MYO1B: variants seen among roughly 807,000 people sequenced by gnomAD.
MYO1B encodes the protein myosin IB.
In MYO1B, 72 loss-of-function variants were observed where a neutral mutation model predicts 159.7. That is an observed-to-expected ratio of 0.45 (90% CI 0.37 to 0.55). The LOEUF is 0.55. Ranked by LOEUF, MYO1B falls within the 20% of genes least tolerant of loss-of-function variation. The pLI is 0.00. For missense variants in MYO1B, 1,062 were observed against 1,364.8 expected (o/e 0.78, Z 3.50); for synonymous variants, 468 against 473.8 (o/e 0.99, Z 0.16).
At chr2:191,246,036 G>A (rs1685768999) in intron 1 of MYO1B, 1 of 152,332 alleles carries the variant, frequency 6.6e-6, no homozygotes, top group African/African-American at 2.4e-5. Flanking sequence ...CTCCGGGCAG[G>A]AAAGCGGAGG....
intron 1 of MYO1B, among the ~76,000 whole-genome samples, chr2:191,254,731 G>A (rs1686335014): frequency 6.6e-6 from 1 of 151,110 alleles, no homozygotes; most frequent in Admixed American, 6.6e-5. Context: ...GCCTCAATCA[G>A]TTCTCCTGCC....
chr2:191,365,677 GGGAAGACCCCAT>G (rs1358030913), intron 11 of MYO1B, among the ~76,000 whole-genome samples: 11 of 152,172 alleles, frequency 7.2e-5, no homozygotes, highest in African/African-American at 2.7e-4. Flanking sequence ...TAAGAGGTTA[GGGAAGACCCCAT>G]GGAAACAATC....
chr2:191,331,823 A>C (rs1408603537), intron 4 of MYO1B, among the ~76,000 whole-genome samples: 1 of 152,222 alleles, frequency 6.6e-6, no homozygotes, highest in Non-Finnish European at 1.5e-5. Context: ...ACATTACAGG[A>C]AGAATTGGAT....
At chr2:191,250,678 A>T (rs773855997) in intron 1 of MYO1B, among the ~76,000 whole-genome samples, 11 of 152,174 alleles carry the variant, frequency 7.2e-5, no homozygotes, top group Non-Finnish European at 1.3e-4. Flanking sequence ...CATGCTGGGT[A>T]CTTTCTGTAG....
chr2:191,288,224 T>A (rs537562729), intron 2 of MYO1B, among the ~76,000 whole-genome samples: 115 of 142,548 alleles, frequency 8.1e-4, no homozygotes, highest in African/African-American at 2.8e-3. Context: ...AAATATATTT[T>A]GAAGAAGATA....
At position 191,346,131 on chromosome 2, in the gene MYO1B, T is replaced by C; in HGVS notation, c.452-105T>C. The C allele has an allele frequency of 3.4e-6, 3 of 870,178 alleles. No homozygotes were observed. In the South Asian group the frequency reaches 5.2e-5, roughly 15 times the overall value. 53.9% of individuals were successfully genotyped at this position (870,178 alleles called of 1,614,324 possible). ...TGGACAGAAATATCATTGCTACAAG[T>C]TGTATTTTCCAGAAATCATAGATTT... On this transcript the variant is annotated intron_variant, in intron 5 of 30. Coordinates refer to ENST00000392318, the MANE Select transcript of MYO1B (RefSeq NM_001130158.3).
chr2:191,269,787 A>T (rs1233022600), intron 1 of MYO1B, among the ~76,000 whole-genome samples: 1 of 152,184 alleles, frequency 6.6e-6, no homozygotes, highest in African/African-American at 2.4e-5. Context: ...AATCAAGGTG[A>T]TACAGTCAGT....
At chr2:191,331,434 G>C (rs1287879669) in intron 4 of MYO1B, among the ~76,000 whole-genome samples, 3 of 152,112 alleles carry the variant, frequency 2.0e-5, no homozygotes, top group Admixed American at 6.5e-5. Flanking sequence ...CTTACCTAGA[G>C]TTCAATTCTG....
At chr2:191,381,063 CA>C in intron 13 of MYO1B, 1 of 325,754 alleles carries the variant, frequency 3.1e-6, no homozygotes, top group Non-Finnish European at 6.0e-6. Flanking sequence ...GGGGTCAGTT[CA>C]GGGGGACTTC....
chr2:191,368,319 G>A (rs1355854866), intron 11 of MYO1B, among the ~76,000 whole-genome samples: 1 of 152,112 alleles, frequency 6.6e-6, no homozygotes, highest in African/African-American at 2.4e-5. Context: ...CACACATACG[G>A]CCAGCATGTT....
chr2:191,398,261 C>A (rs1414041224), intron 21 of MYO1B, among the ~76,000 whole-genome samples: 1 of 75,526 alleles, frequency 1.3e-5, no homozygotes, highest in Non-Finnish European at 2.9e-5. Flanking sequence ...CCCCCTCCCC[C>A]CTCCCGGACG....
chr2:191,262,779 GT>G (rs1267462116), intron 1 of MYO1B, among the ~76,000 whole-genome samples: 1 of 152,084 alleles, frequency 6.6e-6, no homozygotes, highest in African/African-American at 2.4e-5. Flanking sequence ...TTCTGAATAT[GT>G]TTTTTATTCT....
chr2:191,356,429 G>C (rs772125682), intron 7 of MYO1B, among the ~76,000 whole-genome samples: 9 of 144,942 alleles, frequency 6.2e-5, no homozygotes, highest in Non-Finnish European at 1.0e-4. Flanking sequence ...TGAAGTATCT[G>C]TAGCAATACA....
intron 1 of MYO1B, among the ~76,000 whole-genome samples, chr2:191,260,975 A>G (rs1336160143): frequency 6.6e-6 from 1 of 152,226 alleles, no homozygotes; most frequent in Non-Finnish European, 1.5e-5. Flanking sequence ...CATTCTTATG[A>G]TTGTCCAGAC....
At chr2:191,300,383 G>A (rs185152036) in intron 3 of MYO1B, among the ~76,000 whole-genome samples, 9 of 145,908 alleles carry the variant, frequency 6.2e-5, no homozygotes, top group East Asian at 2.0e-4. Flanking sequence ...TCGCTCTGTC[G>A]CCCAGGCTGG....
At chr2:191,312,122 T>C (rs1690038841) in intron 3 of MYO1B, among the ~76,000 whole-genome samples, 1 of 152,228 alleles carries the variant, frequency 6.6e-6, no homozygotes. Context: ...TTTACAAATA[T>C]ATTGCATTGA....
chr2:191,308,512 A>G (rs1300951948), intron 3 of MYO1B, among the ~76,000 whole-genome samples: 1 of 152,020 alleles, frequency 6.6e-6, no homozygotes, highest in Non-Finnish European at 1.5e-5. Context: ...ATCCCATTCA[A>G]CCCCTCCAAG....
chr2:191,247,499 C>T (rs1685860753), intron 1 of MYO1B, among the ~76,000 whole-genome samples: 1 of 152,138 alleles, frequency 6.6e-6, no homozygotes, highest in Admixed American at 6.5e-5. Context: ...CTGAAAAGCA[C>T]TGGGAGTTGT....
intron 3 of MYO1B, among the ~76,000 whole-genome samples, chr2:191,309,247 G>A (rs946274998): frequency 1.3e-5 from 2 of 152,078 alleles, no homozygotes; most frequent in Non-Finnish European, 2.9e-5. Flanking sequence ...TTGGTTACTC[G>A]ATGCAAAACT....
Sources: gnomAD v4.1 joint callset for allele counts (sites outside exome capture counted in the v4.1 genomes callset) on GRCh38, gnomAD v4.1.1 for gene constraint, MANE v1.5 for transcripts, NCBI Gene and HGNC (gene_info 2026-07-23, HGNC 2026-07-21) for gene names.